STK33: variants seen among roughly 807,000 people sequenced by gnomAD.
STK33 encodes serine/threonine kinase 33.
In STK33, 52 loss-of-function variants were observed where a neutral mutation model predicts 58.0. The observed-to-expected ratio is 0.90, with a 90% confidence interval of 0.72 to 1.13. The LOEUF is 1.13. Among genes scored for constraint, STK33 ranks in the 50% most tolerant of loss-of-function variants. STK33 has a pLI of 0.00. For synonymous variants in STK33, 215 were observed against 200.1 expected (o/e 1.07, Z -0.63); for missense variants, 630 against 604.2 (o/e 1.04, Z -0.45).
chr11:8,465,825 T>C (rs1482853670), intron 6 of STK33: 1 of 154,304 alleles, frequency 6.5e-6, no homozygotes, highest in Non-Finnish European at 1.4e-5. Context: ...TAAAGACATA[T>C]CTGAGACTGG....
chr11:8,479,938 T>A (rs1490778422), intron 2 of STK33, among the ~76,000 whole-genome samples: 1 of 152,076 alleles, frequency 6.6e-6, no homozygotes, highest in African/African-American at 2.4e-5. Flanking sequence ...TCAATGAAAA[T>A]TTTTGAGTGT....
At chr11:8,417,810 G>A (rs1009131254) in intron 14 of STK33, among the ~76,000 whole-genome samples, 16 of 151,994 alleles carry the variant, frequency 1.1e-4, no homozygotes, top group African/African-American at 3.6e-4. Context: ...TCCCTGTGTC[G>A]GTGAGGGTGT....
At chr11:8,515,948 A>C (rs1319924979) in intron 1 of STK33, among the ~76,000 whole-genome samples, 1 of 152,238 alleles carries the variant, frequency 6.6e-6, no homozygotes, top group Admixed American at 6.5e-5. Context: ...TCCTATGTTC[A>C]TGGATTGGAA....
the STK33 span, among the ~76,000 whole-genome samples, chr11:8,376,925 A>G: frequency 6.6e-6 from 1 of 152,176 alleles, no homozygotes; most frequent in African/African-American, 2.4e-5. Context: ...TGAAACCTGA[A>G]GTCCTCAACA....
At chr11:8,512,570 A>G (rs1308892576) in intron 1 of STK33, among the ~76,000 whole-genome samples, 1 of 152,196 alleles carries the variant, frequency 6.6e-6, no homozygotes, top group African/African-American at 2.4e-5. Context: ...CAGGAGGTCA[A>G]AATGTTCAGA....
chr11:8,353,491 G>A, the STK33 span, among the ~76,000 whole-genome samples: 4 of 152,158 alleles, frequency 2.6e-5, no homozygotes, highest in South Asian at 2.1e-4. Context: ...TAGTTCCACT[G>A]ATACCTACTA....
At chr11:8,476,323 T>C (rs1260485440) in intron 4 of STK33, among the ~76,000 whole-genome samples, 1 of 152,246 alleles carries the variant, frequency 6.6e-6, no homozygotes, top group Non-Finnish European at 1.5e-5. Context: ...GATAAAAATA[T>C]ACTAAGTGTG....
chr11:8,473,742 A>G (rs966040167), intron 5 of STK33, among the ~76,000 whole-genome samples: 1 of 152,222 alleles, frequency 6.6e-6, no homozygotes, highest in African/African-American at 2.4e-5. Flanking sequence ...AATACAAATC[A>G]GAAATAACAG....
chr11:8,411,540 T>C (rs1590843543), intron 15 of STK33, among the ~76,000 whole-genome samples: 1 of 152,202 alleles, frequency 6.6e-6, no homozygotes, highest in Admixed American at 6.5e-5. Context: ...TTTCAAAAGG[T>C]GTGATTACCC....
At chr11:8,453,023 G>A (rs1461227899) in intron 10 of STK33, 117 bp from the exon 11 acceptor site, 2 of 848,880 alleles carry the variant, frequency 2.4e-6, no homozygotes, top group Non-Finnish European at 3.9e-6. Context: ...GGGGTGGGAG[G>A]ACTTTAATTG....
intron 1 of STK33, among the ~76,000 whole-genome samples, chr11:8,551,895 C>T (rs1243069175): frequency 2.0e-5 from 3 of 152,104 alleles, no homozygotes; most frequent in Non-Finnish European, 4.4e-5. Context: ...TGAACTGTAC[C>T]CCTTGCAGCA....
intron 7 of STK33, among the ~76,000 whole-genome samples, chr11:8,462,773 T>C (rs1194853939): frequency 1.3e-5 from 2 of 152,136 alleles, no homozygotes; most frequent in African/African-American, 4.8e-5. Flanking sequence ...TAATCTACAA[T>C]GTCCTCTATC....
intron 11 of STK33, among the ~76,000 whole-genome samples, chr11:8,450,281 T>C (rs188428225): frequency 2.6e-5 from 4 of 152,120 alleles, no homozygotes; most frequent in Non-Finnish European, 5.9e-5. Flanking sequence ...CTGAAAACCA[T>C]CATTCTCAGC....
intron 1 of STK33, among the ~76,000 whole-genome samples, chr11:8,590,954 T>C (rs1473991063): frequency 6.6e-6 from 1 of 152,238 alleles, no homozygotes; most frequent in African/African-American, 2.4e-5. Flanking sequence ...AGGGAAGTTA[T>C]TTCTCAGTAT....
At chr11:8,526,770 A>C (rs908221290) in intron 1 of STK33, among the ~76,000 whole-genome samples, 20 of 151,936 alleles carry the variant, frequency 1.3e-4, no homozygotes, top group African/African-American at 2.9e-4. Flanking sequence ...CACACACACA[A>C]AAAGAAAATA....
chr11:8,364,218 G>A, the STK33 span, among the ~76,000 whole-genome samples: 10 of 152,310 alleles, frequency 6.6e-5, no homozygotes, highest in South Asian at 4.1e-4. Flanking sequence ...TGGCGACGTC[G>A]TCGGTGGACG....
At chr11:8,367,298 C>T in the STK33 span, among the ~76,000 whole-genome samples, 1 of 152,222 alleles carries the variant, frequency 6.6e-6, no homozygotes, top group Non-Finnish European at 1.5e-5. Flanking sequence ...CTCCTGTATC[C>T]ATGCAGATTG....
At chr11:8,512,105 A>G (rs1952377533) in intron 1 of STK33, among the ~76,000 whole-genome samples, 1 of 152,188 alleles carries the variant, frequency 6.6e-6, no homozygotes, top group African/African-American at 2.4e-5. Context: ...CTCATAGATA[A>G]AACAGACTAA....
chr11:8,376,104 C>A, the STK33 span, among the ~76,000 whole-genome samples: 1 of 152,152 alleles, frequency 6.6e-6, no homozygotes, highest in Non-Finnish European at 1.5e-5. Context: ...AAAGAGGCTC[C>A]AGGGGAATGA....
Sources: gnomAD v4.1 joint callset for allele counts (sites outside exome capture counted in the v4.1 genomes callset) on GRCh38, gnomAD v4.1.1 for gene constraint, MANE v1.5 for transcripts, NCBI Gene and HGNC (gene_info 2026-07-23, HGNC 2026-07-21) for gene names.